The following GPRASP1 variants were observed in gnomAD, a reference collection of about 807,000 sequenced individuals.
GPRASP1 encodes G protein-coupled receptor-associated sorting protein 1.
GPRASP1 carries 28 observed loss-of-function variants against 68.4 expected under a neutral mutation model. The observed-to-expected ratio is 0.41, with a 90% confidence interval of 0.30 to 0.56. The LOEUF is 0.56. Among genes scored for constraint, GPRASP1 ranks in the 20% least tolerant of loss-of-function variants. GPRASP1 has a pLI of 0.29. For synonymous variants in GPRASP1, 304 were observed against 358.2 expected (o/e 0.85, Z 1.71); for missense variants, 913 against 1,031.5 (o/e 0.89, Z 1.57).
chrX:102,654,446 C>T lies in GPRASP1; in HGVS notation c.533C>T (p.Pro178Leu). The stretch of plus-strand genomic sequence containing the variant: ...ACCAATATGGGGTCCTGGTGCTGTC[C>T]TAGGCCTACATCCAAACAAGAAGCC... The part of the protein sequence containing the change: ...EETNMGSWCC[P>L]RPTSKQEASP... The change falls in exon 6 of 6, where the codon CCT (proline) becomes CTT (leucine). Residue 178 changes from proline (P) to leucine (L), a missense_variant. Coordinates refer to ENST00000537097, the MANE Select transcript of GPRASP1 (RefSeq NM_001184727.2). 1 of 1,211,616 alleles carries T rather than the reference C, an allele frequency of 8.3e-7. No homozygotes were observed. Among genetic ancestry groups the T allele is most frequent in the East Asian group, 3.0e-5 (1 of 33,838 alleles).
intron 5 of GPRASP1, 127 bp downstream of exon 5, chrX:102,653,425 T>G (rs2081374590): frequency 8.6e-6 from 1 of 115,711 alleles, no homozygotes; most frequent in Non-Finnish European, 1.8e-5. Flanking sequence ...CCACCATTGT[T>G]GGACCTGTTT....
chrX:102,656,340 T>C lies in GPRASP1; in HGVS notation c.2427T>C (p.Gly809=). 1.7e-6 allele frequency: 2 copies of C among 1,192,953 alleles called. No homozygotes were observed. The highest frequency in any genetic ancestry group is 2.3e-6 in the Non-Finnish European group (2 of 887,381). Residue 809 remains glycine, a synonymous_variant, in exon 6 of 6, where the codon GGT becomes GGC. Transcript: ENST00000537097. The part of the protein sequence containing the change: ...EEDRLAAEKE[G]IVGSWFGARE... ...ACAGGCTAGCAGCTGAGAAAGAAGG[T>C]ATTGTTGGGTCCTGGTTTGGGGCCA...
rs141587971 is a variant in GPRASP1, at chrX:102,654,650, A to G, written c.737A>G (p.Tyr246Cys). The change falls in exon 6 of 6, where the codon TAT (tyrosine) becomes TGT (cysteine). Residue 246 changes from tyrosine to cysteine, a missense_variant. Tyr to Cys is a radical substitution (Grantham distance 194). Transcript: ENST00000537097. ...MSRSQTNQEL[Y>C]IASSSGSEDE... ...AGGTCCCAAACTAACCAGGAGCTCT[A>G]TATTGCATCTAGTTCTGGTTCTGAG... 4.1e-6 allele frequency: 5 copies of G among 1,209,040 alleles called. No homozygotes were observed. In the African/African-American group the frequency reaches 8.7e-5, roughly 21 times the overall value.
At position 102,657,972 on chromosome X, in the gene GPRASP1, A is replaced by T. The variant is rs764053863; in HGVS notation, c.4059A>T (p.Thr1353=). ...TTGGCAACAATATCAAAAAAGAAAC[A>T]GTGTTCTCTGATGATGATTTCAATA... The part of the protein sequence containing the change: ...ENIGNNIKKE[T]VFSDDDFNIE... The change falls in exon 6 of 6, where the codon ACA becomes ACT. Residue 1353 remains threonine (T), a synonymous_variant. Transcript: ENST00000537097. The T allele has an allele frequency of 1.7e-6, 2 of 1,174,058 alleles. No homozygotes were observed. Among genetic ancestry groups the T allele is most frequent in the Admixed American group, 4.4e-5 (2 of 45,808 alleles).
Position 102,654,210 on chromosome X carries a change from G to T in GPRASP1, c.297G>T (p.Arg99Ser). 2.5e-6 allele frequency: 3 copies of T among 1,212,226 alleles called. No homozygotes were observed. Among genetic ancestry groups the T allele is most frequent in the Non-Finnish European group, 3.4e-6 (3 of 895,486 alleles). ...KEEAQMWAQP[R>S]FGAERLSKTE... is the part of the protein sequence containing the mutation. ...AAGCCCAGATGTGGGCTCAGCCCAG[G>T]TTTGGTGCTGAAAGATTGTCTAAGA... Residue 99 changes from arginine (R) to serine (S), a missense_variant, in exon 6 of 6, where the codon AGG (arginine) becomes AGT (serine). Arg to Ser is a moderately radical substitution (Grantham distance 110, BLOSUM62 -1). Transcript: ENST00000537097.
At position 102,658,139 on chromosome X, in the gene GPRASP1, C is replaced by A; in HGVS notation, c.*38C>A. 4.5e-6 allele frequency: 3 copies of A among 665,660 alleles called. No homozygotes were observed. Among genetic ancestry groups the A allele is most frequent in the South Asian group, 5.7e-5 (2 of 35,214 alleles). 54.9% of individuals were successfully genotyped at this position (665,660 alleles called of 1,213,427 possible). On this transcript the variant is annotated 3_prime_UTR_variant, in exon 6 of 6. Coordinates refer to ENST00000537097, the MANE Select transcript of GPRASP1 (RefSeq NM_001184727.2). ...GCTGGCCTCAGATTGTCCTTATGTTCCTGAGTTATGATCCTTGAGTAATGC... is the reference window on the plus strand; with the variant it reads ...GCTGGCCTCAGATTGTCCTTATGTTACTGAGTTATGATCCTTGAGTAATGC...
At chrX:102,651,899 G>C (rs1187308962) in intron 2 of GPRASP1, among the ~76,000 whole-genome samples, 166 bp downstream of exon 2, 1 of 112,812 alleles carries the variant, frequency 8.9e-6, no homozygotes, top group Non-Finnish European at 1.9e-5. Context: ...CGCAGCCCTC[G>C]ACGGTTTCGG....
chrX:102,657,183 A>G lies in GPRASP1; in HGVS notation c.3270A>G (p.Val1090=). 1 of 1,210,820 alleles carries G rather than the reference A, an allele frequency of 8.3e-7. No individual in the cohort carries two copies. The highest frequency in any genetic ancestry group is 1.7e-5 in the African/African-American group (1 of 57,781). The change falls in exon 6 of 6, where the codon GTA becomes GTG. Residue 1090 remains valine (V), a synonymous_variant. Coordinates refer to ENST00000537097, the MANE Select transcript of GPRASP1 (RefSeq NM_001184727.2). ...TTGGGGGCAAACCCAGGAACATGGT[A>G]CTTAGCCCAGAAGGGGAAGATCAGG... The part of the protein sequence containing the change: ...EMFGGKPRNM[V]LSPEGEDQES...
chrX:102,655,835 C>T lies in GPRASP1; in HGVS notation c.1922C>T (p.Ala641Val). The T allele has an allele frequency of 8.3e-7, 1 of 1,210,266 alleles. No homozygotes were observed. Among genetic ancestry groups the T allele is most frequent in the Non-Finnish European group, 1.1e-6 (1 of 894,775 alleles). The change falls in exon 6 of 6, where the codon GCC becomes GTC. Residue 641 changes from alanine to valine, a missense_variant. Physicochemically the swap from Ala to Val is moderately conservative, Grantham distance 64 (BLOSUM62 0). Coordinates refer to ENST00000537097, the MANE Select transcript of GPRASP1 (RefSeq NM_001184727.2). The part of the protein sequence containing the change: ...SKSSLEDKEE[A>V]MIPCFGAKEE... ...TCTAGCCTGGAGGACAAGGAAGAGG[C>T]CATGATACCATGTTTTGGAGCCAAA...
rs750509644 is a variant in GPRASP1 at position 102,653,253 on chromosome X, T to C, written c.-380T>C. The C allele has an allele frequency of 1.6e-4, 18 of 111,627 alleles. No individual in the cohort carries two copies. The highest frequency in any genetic ancestry group is 1.1e-3 in the Admixed American group (12 of 10,571). The allele number at this position is 111,627 out of a possible 1,213,427, so 9.2% of individuals were successfully genotyped here. On this transcript the variant is annotated 5_prime_UTR_variant, in exon 5 of 6. Transcript: ENST00000537097. ...TTCTGTCAGCTGTGGGGCTTGACACTACTTGAACAAGAAAAGGAGGGGGAA... is the reference window on the plus strand; with the variant it reads ...TTCTGTCAGCTGTGGGGCTTGACACCACTTGAACAAGAAAAGGAGGGGGAA...
Position 102,655,980 on chromosome X carries a change from T to C in GPRASP1, c.2067T>C (p.Gly689=). The C allele has an allele frequency of 8.3e-7, 1 of 1,210,786 alleles. No homozygotes were observed. Among genetic ancestry groups the C allele is most frequent in the Non-Finnish European group, 1.1e-6 (1 of 895,036 alleles). Residue 689 remains glycine (G), a synonymous_variant, in exon 6 of 6, where the codon GGT becomes GGC. Coordinates refer to ENST00000537097, the MANE Select transcript of GPRASP1 (RefSeq NM_001184727.2). ...AAGAACCCTGTATGTATCCTGCCGG[T>C]GGAGGAAGTTGGAAGTCTAGGCCAG... ...AEKEPCMYPA[G]GGSWKSRPEE...
rs1124050 is a variant in GPRASP1, at chrX:102,657,537, G to T, written c.3624G>T (p.Pro1208=). 2,509 of 1,210,018 alleles carry T rather than the reference G, an allele frequency of 2.1e-3. 43 individuals are homozygous for T. The African/African-American group carries it at 0.04, about 19-fold the overall frequency. The part of the protein sequence containing the change: ...VSLIETLLNY[P]SSRVRTSFLE... ...TTATTGAAACCTTGCTTAATTATCCGTCCTCCCGAGTTAGAACAAGTTTTT... is the reference window on the plus strand; with the variant it reads ...TTATTGAAACCTTGCTTAATTATCCTTCCTCCCGAGTTAGAACAAGTTTTT... The change falls in exon 6 of 6, where the codon CCG becomes CCT. Residue 1208 remains proline (P), a synonymous_variant. Coordinates refer to ENST00000537097, the MANE Select transcript of GPRASP1 (RefSeq NM_001184727.2).
At position 102,657,761 on chromosome X, in the gene GPRASP1, C is replaced by A. The variant is rs765136041; in HGVS notation, c.3848C>A (p.Ser1283Tyr). ...GCCAATTATATGTCTGGGTTTCTCTCCTTATTAGCTACAGGCAATGCCAAA... is the reference window on the plus strand; with the variant it reads ...GCCAATTATATGTCTGGGTTTCTCTACTTATTAGCTACAGGCAATGCCAAA... ...LVANYMSGFLSLLATGNAKTR... is the reference protein window; with the variant it reads ...LVANYMSGFLYLLATGNAKTR... Residue 1283 changes from serine (S) to tyrosine (Y), a missense_variant, in exon 6 of 6, where the codon TCC becomes TAC. Coordinates refer to ENST00000537097, the MANE Select transcript of GPRASP1 (RefSeq NM_001184727.2). 1 of 1,203,008 alleles carries A rather than the reference C, an allele frequency of 8.3e-7. No individual in the cohort carries two copies. The highest frequency in any genetic ancestry group is 1.1e-6 in the Non-Finnish European group (1 of 888,830).
In GPRASP1 at chrX:102,659,069, A is replaced by T. The variant is rs764514230; in HGVS notation, c.*968A>T. 1 of 123,534 alleles carries T rather than the reference A, an allele frequency of 8.1e-6. No individual in the cohort carries two copies. Among genetic ancestry groups the T allele is most frequent in the Admixed American group, 9.5e-5 (1 of 10,573 alleles). The allele number at this position is 123,534 out of a possible 1,213,427, so 10.2% of individuals were successfully genotyped here. On this transcript the variant is annotated 3_prime_UTR_variant, in exon 6 of 6. Coordinates refer to ENST00000537097, the MANE Select transcript of GPRASP1 (RefSeq NM_001184727.2). ...TGATCCCATTTGAAAAATAAATGTG[A>T]ATAAATTGACCAAACTCATGTGAAG...
rs1189906932 is a variant in GPRASP1 at position 102,653,211 on chromosome X, T to C, written c.-412-10T>C. 1 of 111,718 alleles carries C rather than the reference T, an allele frequency of 9.0e-6. No homozygotes were observed. Among genetic ancestry groups the C allele is most frequent in the African/African-American group, 3.3e-5 (1 of 30,654 alleles). 9.2% of individuals were successfully genotyped at this position (111,718 alleles called of 1,213,427 possible). A position where few individuals can be genotyped will look rare whatever the true frequency, so the allele number is the denominator to read the frequency against. ...TCTCCATTCTCTCCTGTATGTTTAC[T>C]TGTCTGTAGGACCCCCTTCTGTCAG... On this transcript the variant is annotated splice_polypyrimidine_tract_variant and intron_variant, in intron 4 of 5. Transcript: ENST00000537097.
In GPRASP1 at chrX:102,655,952, A is replaced by G. The variant is rs1451384436; in HGVS notation, c.2039A>G (p.Glu680Gly). The change falls in exon 6 of 6, where the codon GAA becomes GGA. Residue 680 changes from glutamate (E) to glycine (G), a missense_variant. Glu to Gly is a moderately conservative substitution (Grantham distance 98, BLOSUM62 -2). Coordinates refer to ENST00000537097, the MANE Select transcript of GPRASP1 (RefSeq NM_001184727.2). Reference sequence around the variant, plus strand: ...AATAATAAGTCTTGCTTCTGGGCAGAAAAAGAACCCTGTATGTATCCTGCC... The same window carrying G: ...AATAATAAGTCTTGCTTCTGGGCAGGAAAAGAACCCTGTATGTATCCTGCC... ...ETNNKSCFWA[E>G]KEPCMYPAGG... is the part of the protein sequence containing the mutation. The G allele has an allele frequency of 8.3e-7, 1 of 1,211,646 alleles. No homozygotes were observed. Among genetic ancestry groups the G allele is most frequent in the Non-Finnish European group, 1.1e-6 (1 of 895,264 alleles).
chrX:102,651,982 G>A (rs182311240), intron 2 of GPRASP1, among the ~76,000 whole-genome samples, 193 bp from the exon 3 acceptor site: 1 of 112,366 alleles, frequency 8.9e-6, no homozygotes, highest in African/African-American at 3.2e-5. Flanking sequence ...GGGGGCGCCC[G>A]GGAGGCAGTT....
Position 102,657,712 on chromosome X carries a change from A to G in GPRASP1, c.3799A>G (p.Thr1267Ala). The change falls in exon 6 of 6, where the codon ACT (threonine) becomes GCT (alanine). Residue 1267 changes from threonine to alanine, a missense_variant. Physicochemically the swap from Thr to Ala is moderately conservative, Grantham distance 58. Coordinates refer to ENST00000537097, the MANE Select transcript of GPRASP1 (RefSeq NM_001184727.2). Reference sequence around the variant, plus strand: ...AAGGATGATTAGACATCTCACTACTACTACTGACTATCACACACTGGTTGC... The same window carrying G: ...AAGGATGATTAGACATCTCACTACTGCTACTGACTATCACACACTGGTTGC... ...GIRMIRHLTT[T>A]TDYHTLVANY... The G allele has an allele frequency of 1.7e-6, 2 of 1,207,321 alleles. No homozygotes were observed. Among genetic ancestry groups the G allele is most frequent in the Non-Finnish European group, 1.1e-6 (1 of 891,454 alleles).
chrX:102,654,302 C>G lies in GPRASP1; in HGVS notation c.389C>G (p.Ala130Gly). ...PLVSTDSVLVAKTKYLSEDRE... is the reference protein window; with the variant it reads ...PLVSTDSVLVGKTKYLSEDRE... ...GTCAGTACTGATTCTGTCTTGGTTGCTAAAACAAAGTACCTGTCTGAGGAT... is the reference window on the plus strand; with the variant it reads ...GTCAGTACTGATTCTGTCTTGGTTGGTAAAACAAAGTACCTGTCTGAGGAT... Residue 130 changes from alanine to glycine, a missense_variant, in exon 6 of 6, where the codon GCT becomes GGT. Transcript: ENST00000537097. The G allele has an allele frequency of 8.3e-7, 1 of 1,211,027 alleles. No individual in the cohort carries two copies. The highest frequency in any genetic ancestry group is 1.8e-5 in the South Asian group (1 of 56,972).
Sources: gnomAD v4.1 joint callset for allele counts (sites outside exome capture counted in the v4.1 genomes callset) on GRCh38, gnomAD v4.1.1 for gene constraint, MANE v1.5 for transcripts, NCBI Gene and HGNC (gene_info 2026-07-23, HGNC 2026-07-21) for gene names.